Variants in MLLT3 observed in about 807,000 individuals in gnomAD.
MLLT3 encodes the protein protein AF-9.
In MLLT3, 4 loss-of-function variants were observed where a neutral mutation model predicts 53.2. The observed-to-expected ratio is 0.08, with a 90% CI of 0.04 to 0.17. The LOEUF is 0.17. Ranked by LOEUF, MLLT3 falls within the 10% of genes least tolerant of loss-of-function variation. MLLT3 has a pLI of 1.00. For synonymous variants in MLLT3, 283 were observed against 230.6 expected, an observed-to-expected ratio of 1.23 and a Z score of -2.06; for missense variants, 569 against 684.0, an observed-to-expected ratio of 0.83 and a Z score of 1.87.
intron 5 of MLLT3, among the ~76,000 whole-genome samples, chr9:20,379,344 T>C (rs536160683): frequency 6.6e-6 from 1 of 152,210 alleles, no homozygotes; most frequent in African/African-American, 2.4e-5. Context: ...ATTTGGGATT[T>C]AGAGGTTATA....
intron 6 of MLLT3, among the ~76,000 whole-genome samples, chr9:20,365,317 T>C (rs1269939509): frequency 6.6e-6 from 1 of 151,858 alleles, no homozygotes; most frequent in Non-Finnish European, 1.5e-5. Flanking sequence ...ATCAAGACAT[T>C]AAGATGGTTT....
At chr9:20,598,770 G>A (rs1434155231) in intron 2 of MLLT3, among the ~76,000 whole-genome samples, 1 of 152,214 alleles carries the variant, frequency 6.6e-6, no homozygotes, top group Non-Finnish European at 1.5e-5. Context: ...AAATAAAGGT[G>A]ATTCACTCAA....
At chr9:20,464,069 G>C (rs1216843961) in intron 2 of MLLT3, among the ~76,000 whole-genome samples, 4 of 151,584 alleles carry the variant, frequency 2.6e-5, no homozygotes, top group Non-Finnish European at 5.9e-5. Flanking sequence ...GATTTCTGTA[G>C]GTAGCAGAAA....
intron 2 of MLLT3, among the ~76,000 whole-genome samples, chr9:20,584,299 G>C (rs1362512865): frequency 2.6e-5 from 4 of 152,150 alleles, no homozygotes; most frequent in Non-Finnish European, 4.4e-5. Flanking sequence ...CATTCAACAA[G>C]TCTCTAGGAA....
chr9:20,369,513 C>A (rs1563939704), intron 5 of MLLT3, among the ~76,000 whole-genome samples: 1 of 152,150 alleles, frequency 6.6e-6, no homozygotes, highest in Admixed American at 6.5e-5. Context: ...GCATGTACAA[C>A]CATGTTGTGG....
intron 2 of MLLT3, among the ~76,000 whole-genome samples, chr9:20,532,319 A>AG (rs375885606): frequency 2.7e-5 from 3 of 110,970 alleles, no homozygotes; most frequent in Admixed American, 8.9e-5. Flanking sequence ...GGAAAAAAAA[A>AG]TATATATATA....
intron 5 of MLLT3, among the ~76,000 whole-genome samples, chr9:20,371,083 A>C (rs1159872401): frequency 1.3e-5 from 2 of 152,228 alleles, no homozygotes; most frequent in Non-Finnish European, 2.9e-5. Context: ...ACCAAAGCCT[A>C]ATCAAGAGCA....
intron 2 of MLLT3, among the ~76,000 whole-genome samples, chr9:20,573,498 A>C (rs1389020714): frequency 1.3e-5 from 2 of 151,996 alleles, no homozygotes; most frequent in Non-Finnish European, 2.9e-5. Context: ...GATTTTAAAA[A>C]CCACTAAGAC....
At chr9:20,447,794 AT>A (rs1823741674) in intron 4 of MLLT3, among the ~76,000 whole-genome samples, 1 of 152,234 alleles carries the variant, frequency 6.6e-6, no homozygotes. Flanking sequence ...TATAACTGAT[AT>A]AACACAGTTC....
chr9:20,541,525 G>A (rs905016463), intron 2 of MLLT3, among the ~76,000 whole-genome samples: 5 of 152,324 alleles, frequency 3.3e-5, no homozygotes, highest in Non-Finnish European at 5.9e-5. Context: ...GGCAGCAGGA[G>A]AGACAGCACA....
chr9:20,589,713 ATTT>A (rs35077926), intron 2 of MLLT3, among the ~76,000 whole-genome samples: 1 of 139,134 alleles, frequency 7.2e-6, no homozygotes. Context: ...TTAATCGGTG[ATTT>A]TTTTTTTTTT....
chr9:20,481,541 A>T (rs1824662362), intron 2 of MLLT3, among the ~76,000 whole-genome samples: 1 of 152,100 alleles, frequency 6.6e-6, no homozygotes, highest in African/African-American at 2.4e-5. Flanking sequence ...GGGTTCCTAG[A>T]ACCAACACCT....
chr9:20,621,186 GCCGGGGCGGTTTC>G lies in MLLT3; in HGVS notation c.13-365_13-353del, dbSNP rs956122500. On this transcript the variant is annotated intron_variant, in intron 1 of 10. Transcript: ENST00000380338. The surrounding 1 kb of genome is among the most constrained non-coding windows in gnomAD (Gnocchi z 7.0). Reference sequence around the variant, plus strand: ...CATCGGAAACAAATCAGAAGGCGATGCCGGGGCGGTTTCCCGGCGTGGGAGGGGAGGTGGCTGG... The same window carrying G: ...CATCGGAAACAAATCAGAAGGCGATGCCGGCGTGGGAGGGGAGGTGGCTGG... 2.0e-5 allele frequency among the ~76,000 whole-genome samples: 3 copies of G among 152,236 alleles called. No homozygotes were observed. Among genetic ancestry groups the G allele is most frequent in the Non-Finnish European group, 4.4e-5 (3 of 68,050 alleles).
chr9:20,431,848 A>C (rs1312215018), intron 4 of MLLT3, among the ~76,000 whole-genome samples: 2 of 152,324 alleles, frequency 1.3e-5, no homozygotes, highest in South Asian at 2.1e-4. Context: ...TGCTGAATAA[A>C]TAAAGCAAGT....
chr9:20,613,565 T>G (rs1295034852), intron 2 of MLLT3, among the ~76,000 whole-genome samples: 1 of 151,632 alleles, frequency 6.6e-6, no homozygotes, highest in Non-Finnish European at 1.5e-5. Flanking sequence ...GTTTGTTATA[T>G]CATTCTCTGC....
At chr9:20,558,089 T>C (rs1247762328) in intron 2 of MLLT3, among the ~76,000 whole-genome samples, 1 of 152,144 alleles carries the variant, frequency 6.6e-6, no homozygotes, top group Non-Finnish European at 1.5e-5. Flanking sequence ...AAAAAGAGGC[T>C]GCAAGAAGGA....
intron 3 of MLLT3, among the ~76,000 whole-genome samples, chr9:20,451,330 A>G (rs1413908530): frequency 6.6e-6 from 1 of 152,180 alleles, no homozygotes; most frequent in Non-Finnish European, 1.5e-5. Context: ...GAAAATATAT[A>G]CTCCTATACA....
chr9:20,352,158 C>A (rs1305810873), intron 10 of MLLT3, among the ~76,000 whole-genome samples: 1 of 152,196 alleles, frequency 6.6e-6, no homozygotes, highest in African/African-American at 2.4e-5. Flanking sequence ...AAGATCTGCC[C>A]AATGGCCTAG....
intron 2 of MLLT3, among the ~76,000 whole-genome samples, chr9:20,463,029 C>T (rs984908973): frequency 7.2e-5 from 11 of 151,936 alleles, no homozygotes; most frequent in East Asian, 1.9e-4. Context: ...GTATAGAGAA[C>T]GTCATGCTAC....
Sources: gnomAD v4.1 joint callset for allele counts (sites outside exome capture counted in the v4.1 genomes callset) on GRCh38, gnomAD v4.1.1 for gene constraint, Gnocchi (gnomAD v3.1) non-coding constraint, MANE v1.5 for transcripts, NCBI Gene and HGNC (gene_info 2026-07-23, HGNC 2026-07-21) for gene names.